The following DENND2A variants were observed in gnomAD, a reference collection of about 807,000 sequenced individuals.
DENND2A encodes the protein DENN domain-containing protein 2A.
In DENND2A, 53 loss-of-function variants were observed where a neutral mutation model predicts 105.3. That is an observed-to-expected ratio of 0.50 (90% CI 0.40 to 0.63). The LOEUF (loss-of-function observed/expected upper bound fraction) is 0.63. Ranked by LOEUF, DENND2A falls within the 30% of genes least tolerant of loss-of-function variation. DENND2A has a pLI of 0.00. For missense variants in DENND2A, 1,138 were observed against 1,279.6 expected, an observed-to-expected ratio of 0.89 and a Z score of 1.69; for synonymous variants, 522 against 508.4, an observed-to-expected ratio of 1.03 and a Z score of -0.36.
intron 19 of DENND2A, 42 bp downstream of exon 19, chr7:140,519,590 T>G: frequency 6.3e-7 from 1 of 1,579,772 alleles, no homozygotes; most frequent in Non-Finnish European, 8.7e-7. Context: ...GACAGACAGC[T>G]CAGAGGCACA....
At chr7:140,616,239 C>T (rs1200971977) in intron 1 of DENND2A, among the ~76,000 whole-genome samples, 9 of 152,004 alleles carry the variant, frequency 5.9e-5, no homozygotes, top group South Asian at 2.1e-4. Flanking sequence ...TGGTGGCGGG[C>T]GCCTGTAACC....
At chr7:140,590,609 A>T (rs893155918) in intron 3 of DENND2A, among the ~76,000 whole-genome samples, 3 of 152,198 alleles carry the variant, frequency 2.0e-5, no homozygotes, top group South Asian at 2.1e-4. Context: ...TCATGCCTGT[A>T]ATCCCAGCAC....
intron 6 of DENND2A, among the ~76,000 whole-genome samples, chr7:140,571,182 C>G (rs543519729): frequency 6.6e-6 from 1 of 152,238 alleles, no homozygotes; most frequent in South Asian, 2.1e-4. Flanking sequence ...TATTTTGAGA[C>G]AGAGTCTTGC....
In DENND2A at chr7:140,527,517, G is replaced by A; in HGVS notation, c.2328-22C>T. 1.3e-6 allele frequency: 2 copies of A among 1,577,854 alleles called. No homozygotes were observed. Among genetic ancestry groups the A allele is most frequent in the Non-Finnish European group, 1.7e-6 (2 of 1,158,214 alleles). On this transcript the variant is annotated intron_variant, in intron 14 of 19. Coordinates refer to ENST00000496613, the MANE Select transcript of DENND2A (RefSeq NM_015689.5). The surrounding 1 kb of genome is among the most constrained non-coding windows in gnomAD (Gnocchi z 4.9). The stretch of plus-strand genomic sequence containing the variant: ...GATGCTGCAGCCGGGGAGAGAACAG[G>A]GAGAGAGGCCGACTCAGCGAGGGCC...
rs866838827 is a variant in DENND2A, at chr7:140,595,664, G to C, written c.995+5739C>G. Among the ~76,000 whole-genome samples the C allele has an allele frequency of 2.0e-5, 3 of 152,088 alleles. 1 individual carries two copies. The South Asian group carries it at 6.2e-4, about 32-fold the overall frequency. ...TGTGCCTGTGGTCGCAACTACTCCG[G>C]AGGCGGAGGCAGGAGAATCACTTGG... is the stretch of plus-strand genomic sequence containing the variant. On this transcript the variant is annotated intron_variant, in intron 3 of 19. Transcript: ENST00000496613.
intron 2 of DENND2A, among the ~76,000 whole-genome samples, chr7:140,603,138 C>T (rs148816589): frequency 6.6e-6 from 1 of 151,784 alleles, no homozygotes; most frequent in South Asian, 2.1e-4. Flanking sequence ...CAAAGATTAG[C>T]GGGGTGTGGT....
chr7:140,584,874 G>A (rs1445953543), intron 5 of DENND2A, among the ~76,000 whole-genome samples: 1 of 152,054 alleles, frequency 6.6e-6, no homozygotes, highest in African/African-American at 2.4e-5. Flanking sequence ...ATAGACATGT[G>A]CGAGTTTACA....
intron 13 of DENND2A, 146 bp from the exon 14 acceptor site, chr7:140,544,912 A>T: frequency 7.5e-7 from 1 of 1,340,296 alleles, no homozygotes; most frequent in Non-Finnish European, 9.7e-7. Context: ...GCAAAACAAA[A>T]GGATTGGGGG....
chr7:140,566,078 ATTCCT>A (rs1041154019), intron 9 of DENND2A, among the ~76,000 whole-genome samples: 8 of 152,140 alleles, frequency 5.3e-5, no homozygotes, highest in Admixed American at 2.6e-4. Flanking sequence ...CCATTCTTTC[ATTCCT>A]TTACTTTTTG....
intron 1 of DENND2A, among the ~76,000 whole-genome samples, chr7:140,620,818 G>A (rs1800261818): frequency 6.6e-6 from 1 of 151,850 alleles, no homozygotes; most frequent in Non-Finnish European, 1.5e-5. Flanking sequence ...ATCCTGTTCT[G>A]CAGTAACCAC....
intron 3 of DENND2A, among the ~76,000 whole-genome samples, chr7:140,590,369 G>A (rs982574025): frequency 5.9e-5 from 9 of 152,040 alleles, no homozygotes; most frequent in Admixed American, 4.6e-4. Flanking sequence ...TAGCCTGGGC[G>A]ACAGAGACTC....
At chr7:140,584,987 C>A (rs1218747962) in intron 5 of DENND2A, among the ~76,000 whole-genome samples, 1 of 152,138 alleles carries the variant, frequency 6.6e-6, no homozygotes, top group Non-Finnish European at 1.5e-5. Flanking sequence ...TCACTTGAGC[C>A]TAGGAGTTCA....
chr7:140,571,005 G>A (rs917456868), intron 6 of DENND2A, among the ~76,000 whole-genome samples: 9 of 152,152 alleles, frequency 5.9e-5, no homozygotes, highest in Non-Finnish European at 8.8e-5. Context: ...AATCCCACAC[G>A]TGGAGGAACT....
At chr7:140,604,597 G>C (rs1367753236) in intron 2 of DENND2A, among the ~76,000 whole-genome samples, 1 of 152,250 alleles carries the variant, frequency 6.6e-6, no homozygotes, top group Admixed American at 6.5e-5. Context: ...AAGATGAAGA[G>C]AGAGGACAGA....
chr7:140,518,808 C>T, intron 19 of DENND2A, 70 bp from the exon 20 acceptor site: 2 of 1,534,414 alleles, frequency 1.3e-6, no homozygotes, highest in Non-Finnish European at 1.8e-6. Flanking sequence ...TTGCCCTTTC[C>T]ACCCAGAAGT....
chr7:140,535,271 C>T (rs1033497926), intron 14 of DENND2A, among the ~76,000 whole-genome samples: 32 of 152,170 alleles, frequency 2.1e-4, no homozygotes, highest in African/African-American at 7.7e-4. Flanking sequence ...GTGCTCCACT[C>T]CCGAAAACAT....
At chr7:140,568,695 G>C in intron 8 of DENND2A, 68 bp downstream of exon 8, 1 of 1,522,294 alleles carries the variant, frequency 6.6e-7, no homozygotes, top group Non-Finnish European at 9.1e-7. Flanking sequence ...TCATACTAAG[G>C]AGGAGGGGCC....
intron 1 of DENND2A, among the ~76,000 whole-genome samples, chr7:140,623,312 C>A (rs1397934430): frequency 7.9e-6 from 1 of 126,450 alleles, no homozygotes; most frequent in Non-Finnish European, 1.6e-5. Context: ...GAGGCTCTAT[C>A]TCCAAAAAAA....
chr7:140,606,874 C>T (rs1215817711), intron 1 of DENND2A, among the ~76,000 whole-genome samples: 1 of 152,230 alleles, frequency 6.6e-6, no homozygotes, highest in African/African-American at 2.4e-5. Context: ...AACTTCATTG[C>T]TTCATAGCAA....
Sources: gnomAD v4.1 joint callset for allele counts (sites outside exome capture counted in the v4.1 genomes callset) on GRCh38, gnomAD v4.1.1 for gene constraint, Gnocchi (gnomAD v3.1) non-coding constraint, MANE v1.5 for transcripts, NCBI Gene and HGNC (gene_info 2026-07-23, HGNC 2026-07-21) for gene names.